Variants in FBN2 observed in about 807,000 individuals in gnomAD.
FBN2 encodes fibrillin-2.
In FBN2, 105 loss-of-function variants were observed where a neutral mutation model predicts 355.6. The observed-to-expected ratio is 0.30, with a 90% CI of 0.25 to 0.35. The LOEUF (loss-of-function observed/expected upper bound fraction) is 0.35, where lower values mean the gene tolerates loss of function less well. Ranked by LOEUF, FBN2 falls within the 10% of genes least tolerant of loss-of-function variation. The pLI is 1.00. For synonymous variants in FBN2, 1,350 were observed against 1,301.2 expected (o/e 1.04, Z -0.81); for missense variants, 3,280 against 3,758.7 (o/e 0.87, Z 3.33).
At chr5:128,444,051 GTTCTTTTTTTTTTTT>G (rs563481347) in intron 7 of FBN2, among the ~76,000 whole-genome samples, 2 of 71,598 alleles carry the variant, frequency 2.8e-5, no homozygotes, top group Non-Finnish European at 5.2e-5. Context: ...AATATCACTT[GTTCTTTTTTTTTTTT>G]TTTTTTTTTT....
intron 20 of FBN2, 124 bp from the exon 21 acceptor site, chr5:128,351,129 TCCCAGCA>T: frequency 1.7e-6 from 2 of 1,182,496 alleles, no homozygotes; most frequent in Non-Finnish European, 2.5e-6. Flanking sequence ...ACGCCTGTAA[TCCCAGCA>T]CTTTGGGAGG....
intron 5 of FBN2, among the ~76,000 whole-genome samples, chr5:128,486,245 C>T (rs941160936): frequency 2.6e-5 from 4 of 152,126 alleles, no homozygotes; most frequent in African/African-American, 9.7e-5. Context: ...GACGCCTTAA[C>T]ATTAAATGAG....
chr5:128,335,614 G>A (rs374450602), intron 28 of FBN2, 37 bp from the exon 29 acceptor site: 103 of 1,613,394 alleles, frequency 6.4e-5, no homozygotes, highest in Non-Finnish European at 8.4e-5. Flanking sequence ...TGTCAGGTCT[G>A]CTTCCTTAAA....
intron 20 of FBN2, among the ~76,000 whole-genome samples, chr5:128,354,569 A>G (rs1253445086): frequency 6.6e-6 from 1 of 152,190 alleles, no homozygotes; most frequent in East Asian, 1.9e-4. Flanking sequence ...CTACAGTAGT[A>G]ATTACGAAGA....
intron 7 of FBN2, among the ~76,000 whole-genome samples, chr5:128,426,923 T>C (rs1295815169): frequency 6.6e-6 from 1 of 152,188 alleles, no homozygotes; most frequent in Non-Finnish European, 1.5e-5. Context: ...GTTGAAATGT[T>C]CTAGGGCTCA....
chr5:128,473,060 A>G (rs1054240815), intron 5 of FBN2, among the ~76,000 whole-genome samples: 6 of 152,194 alleles, frequency 3.9e-5, no homozygotes, highest in African/African-American at 1.4e-4. Flanking sequence ...TTTCAAGTGC[A>G]CACAGTGCTA....
intron 9 of FBN2, among the ~76,000 whole-genome samples, 192 bp downstream of exon 9, chr5:128,394,930 C>T (rs964954917): frequency 6.6e-6 from 1 of 152,152 alleles, no homozygotes; most frequent in African/African-American, 2.4e-5. Context: ...GGATTACAGG[C>T]ATGCACCACC....
At chr5:128,484,770 T>C (rs528769385) in intron 5 of FBN2, among the ~76,000 whole-genome samples, 20 of 152,108 alleles carry the variant, frequency 1.3e-4, no homozygotes, top group Non-Finnish European at 2.6e-4. Context: ...ATGAAAGGTA[T>C]GGTAAAGCCC....
chr5:128,399,902 G>GA (rs889305240), intron 8 of FBN2, among the ~76,000 whole-genome samples: 5 of 151,150 alleles, frequency 3.3e-5, no homozygotes, highest in African/African-American at 9.7e-5. Flanking sequence ...CAAGAAAGGA[G>GA]AAAAAAATAC....
rs532147824 is a variant in FBN2 at position 128,343,156 on chromosome 5, G to C, written c.3343+1229C>G. ...GTAGAGGAGAGGGCATGTAAGTCAG[G>C]GAAGAGGTTTAGAAGCAGTGCTGAG... On this transcript the variant is annotated intron_variant, in intron 25 of 64. Transcript: ENST00000262464. 2.0e-5 allele frequency among the ~76,000 whole-genome samples: 3 copies of C among 152,304 alleles called. No homozygotes were observed. The East Asian group carries it at 5.8e-4, about 29-fold the overall frequency.
At chr5:128,366,498 A>G in intron 16 of FBN2, 68 bp from the exon 17 acceptor site, 1 of 921,228 alleles carries the variant, frequency 1.1e-6, no homozygotes, top group Non-Finnish European at 1.7e-6. Context: ...AAGTCATTTC[A>G]TAACTCCAAA....
At chr5:128,289,300 C>A in intron 51 of FBN2, 48 bp from the exon 52 acceptor site, 2 of 1,605,494 alleles carry the variant, frequency 1.2e-6, no homozygotes, top group Non-Finnish European at 1.7e-6. Flanking sequence ...AAAGATATGC[C>A]GGCCAGGCGC....
chr5:128,340,594 G>A (rs1750987136), intron 25 of FBN2, among the ~76,000 whole-genome samples: 1 of 152,128 alleles, frequency 6.6e-6, no homozygotes, highest in South Asian at 2.1e-4. Flanking sequence ...GATGTGGTGG[G>A]AGTTTCATAG....
At chr5:128,293,245 A>G (rs1302360705) in intron 48 of FBN2, among the ~76,000 whole-genome samples, 2 of 152,124 alleles carry the variant, frequency 1.3e-5, no homozygotes, top group East Asian at 3.8e-4. Context: ...ATTTTTTCAC[A>G]CTTTGGGAGG....
At chr5:128,420,315 ATACTAACT>A (rs1183104434) in intron 7 of FBN2, among the ~76,000 whole-genome samples, 1 of 152,204 alleles carries the variant, frequency 6.6e-6, no homozygotes, top group Admixed American at 6.5e-5. Flanking sequence ...GAAATCTGGC[ATACTAACT>A]TTTCCAGACC....
chr5:128,512,554 A>G (rs1756159644), intron 5 of FBN2, among the ~76,000 whole-genome samples: 1 of 149,544 alleles, frequency 6.7e-6, no homozygotes, highest in Non-Finnish European at 1.5e-5. Flanking sequence ...ATCTTGGCTT[A>G]ATTTTTAAAT....
chr5:128,517,848 TA>T (rs2112785570), intron 5 of FBN2, among the ~76,000 whole-genome samples: 1 of 152,322 alleles, frequency 6.6e-6, no homozygotes, highest in African/African-American at 2.4e-5. Context: ...AGTTTCACAA[TA>T]AAGAAAGTGC....
intron 5 of FBN2, among the ~76,000 whole-genome samples, chr5:128,485,259 G>T (rs1206520966): frequency 3.3e-5 from 5 of 152,130 alleles, no homozygotes; most frequent in Non-Finnish European, 5.9e-5. Flanking sequence ...CTGGGCTCAA[G>T]CAATCCTCCT....
intron 62 of FBN2, among the ~76,000 whole-genome samples, chr5:128,264,927 G>A (rs892068443): frequency 1.3e-5 from 2 of 152,272 alleles, no homozygotes; most frequent in South Asian, 2.1e-4. Context: ...GTTACTGAAA[G>A]GGTAGATATT....
Sources: gnomAD v4.1 joint callset for allele counts (sites outside exome capture counted in the v4.1 genomes callset) on GRCh38, gnomAD v4.1.1 for gene constraint, MANE v1.5 for transcripts, NCBI Gene and HGNC (gene_info 2026-07-23, HGNC 2026-07-21) for gene names.